The following CLSTN2 variants were observed in gnomAD, a reference collection of about 807,000 sequenced individuals.
CLSTN2 encodes calsyntenin 2.
A neutral mutation model predicts 101.2 loss-of-function variants in CLSTN2; 48 were observed. That is an observed-to-expected ratio of 0.47 (90% CI 0.38 to 0.60). CLSTN2 has a LOEUF of 0.60. CLSTN2 is among the 20% of genes least tolerant of loss of function. CLSTN2 has a pLI of 0.00. For synonymous variants in CLSTN2, 481 were observed against 463.6 expected (o/e 1.04, Z -0.48); for missense variants, 1,160 against 1,238.2 (o/e 0.94, Z 0.95).
At chr3:140,028,315 A>G (rs2007464443) in intron 1 of CLSTN2, among the ~76,000 whole-genome samples, 1 of 152,184 alleles carries the variant, frequency 6.6e-6, no homozygotes, top group Non-Finnish European at 1.5e-5. Context: ...GCCAGGCCCC[A>G]GAACACTAGC....
chr3:139,961,512 G>A (rs1490770652), intron 1 of CLSTN2, among the ~76,000 whole-genome samples: 1 of 152,184 alleles, frequency 6.6e-6, no homozygotes, highest in Admixed American at 6.5e-5. Context: ...AAAGTTAGGT[G>A]AAAATGAGTG....
chr3:140,501,508 T>C (rs1045856469), intron 8 of CLSTN2, among the ~76,000 whole-genome samples: 1 of 152,166 alleles, frequency 6.6e-6, no homozygotes, highest in Admixed American at 6.5e-5. Flanking sequence ...CCACAGTGGG[T>C]TAATGGGAGC....
At chr3:140,123,081 G>C (rs1450629776) in intron 1 of CLSTN2, among the ~76,000 whole-genome samples, 1 of 149,340 alleles carries the variant, frequency 6.7e-6, no homozygotes, top group Non-Finnish European at 1.5e-5. Context: ...TGAAGTCCAA[G>C]ATGAAGGTGC....
rs1933499755 is a variant in CLSTN2 at position 140,459,434 on chromosome 3, T to C, written c.974-87T>C. The C allele has an allele frequency of 3.4e-6, 5 of 1,475,868 alleles. No homozygotes were observed. In the South Asian group the frequency reaches 4.9e-5, roughly 14 times the overall value. 91.4% of individuals were successfully genotyped at this position (1,475,868 alleles called of 1,614,324 possible). On this transcript the variant is annotated intron_variant, in intron 6 of 16. Coordinates refer to ENST00000458420, the MANE Select transcript of CLSTN2 (RefSeq NM_022131.3). ...CACAGACGTCTCTGAGTAAGTACAC[T>C]GAGTAGTTCACCTTGACCCAGGAGC...
intron 1 of CLSTN2, among the ~76,000 whole-genome samples, chr3:140,066,386 A>G (rs1388948145): frequency 6.6e-6 from 1 of 152,218 alleles, no homozygotes; most frequent in Non-Finnish European, 1.5e-5. Flanking sequence ...TTCTATTTAT[A>G]GCTGCCAAAC....
At chr3:140,243,705 G>C (rs2086490573) in intron 2 of CLSTN2, among the ~76,000 whole-genome samples, 2 of 152,212 alleles carry the variant, frequency 1.3e-5, no homozygotes, top group Non-Finnish European at 2.9e-5. Flanking sequence ...TTCTCAAAGT[G>C]AAGTCCATGG....
At chr3:140,511,185 C>T (rs1934806043) in intron 8 of CLSTN2, among the ~76,000 whole-genome samples, 1 of 152,178 alleles carries the variant, frequency 6.6e-6, no homozygotes, top group African/African-American at 2.4e-5. Flanking sequence ...CATGTCGCTG[C>T]AAAGGACATG....
rs558097331 is a variant in CLSTN2, at chr3:140,341,238, C to T, written c.233-62391C>T. ...TTATTTTGGAAAACATTGACAGTCT[C>T]TTTAGACTTTCATCCTTTCCTTATA... On this transcript the variant is annotated intron_variant, in intron 2 of 16. Coordinates refer to ENST00000458420, the MANE Select transcript of CLSTN2 (RefSeq NM_022131.3). Among the ~76,000 whole-genome samples the T allele has an allele frequency of 5.3e-5, 8 of 152,282 alleles. No homozygotes were observed. The South Asian group carries it at 1.7e-3, about 32-fold the overall frequency.
In CLSTN2 at chr3:140,412,177, G is replaced by A. The variant is rs145210809; in HGVS notation, c.637+7411G>A. Among the ~76,000 whole-genome samples, 724 of 152,242 alleles carry A rather than the reference G, an allele frequency of 4.8e-3. 8 individuals are homozygous for A. The highest frequency in any genetic ancestry group is 0.017 in the African/African-American group (700 of 41,556). On this transcript the variant is annotated intron_variant, in intron 4 of 16. Coordinates refer to ENST00000458420, the MANE Select transcript of CLSTN2 (RefSeq NM_022131.3). ...ATTAACAGCATGCGCCACAACACCT[G>A]ATTAATTTTGTATTTTTAGTGGAGA...
At chr3:140,206,219 A>G (rs954355666) in intron 2 of CLSTN2, among the ~76,000 whole-genome samples, 3 of 152,198 alleles carry the variant, frequency 2.0e-5, no homozygotes, top group African/African-American at 7.2e-5. Flanking sequence ...AAGGGAGTTA[A>G]GAGAGGCAGG....
chr3:140,256,992 A>T (rs1221617492), intron 2 of CLSTN2, among the ~76,000 whole-genome samples: 1 of 152,204 alleles, frequency 6.6e-6, no homozygotes. Context: ...ATGTGTGTAT[A>T]GAAAGGCATA....
intron 5 of CLSTN2, among the ~76,000 whole-genome samples, chr3:140,430,622 G>A (rs963500931): frequency 3.9e-5 from 6 of 152,000 alleles, no homozygotes; most frequent in South Asian, 2.1e-4. Flanking sequence ...AAAAAGTTTC[G>A]TGACCCCTGT....
Position 140,575,035 on chromosome 3 carries a change from G to A in CLSTN2, c.*8782G>A, listed in dbSNP as rs1347330219. On this transcript the variant is annotated 3_prime_UTR_variant, in exon 17 of 17. Coordinates refer to ENST00000458420, the MANE Select transcript of CLSTN2 (RefSeq NM_022131.3). ...TAGAACACTCACATCTGGAGCCCAC[G>A]CCCACCCACCTCCAGCTCCTCTACA... 4 of 152,208 alleles carry A rather than the reference G, an allele frequency of 2.6e-5. No individual in the cohort carries two copies. The highest frequency in any genetic ancestry group is 1.9e-4 in the East Asian group (1 of 5,194). 9.4% of individuals were successfully genotyped at this position (152,208 alleles called of 1,614,324 possible).
chr3:140,401,052 T>A (rs2088235727), intron 2 of CLSTN2, among the ~76,000 whole-genome samples: 2 of 152,380 alleles, frequency 1.3e-5, no homozygotes, highest in Non-Finnish European at 2.9e-5. Context: ...GCAAGCGGCT[T>A]ACAGGCCAGC....
chr3:139,995,743 G>A (rs1936193043), intron 1 of CLSTN2, among the ~76,000 whole-genome samples: 1 of 152,142 alleles, frequency 6.6e-6, no homozygotes, highest in Non-Finnish European at 1.5e-5. Context: ...TGTGCTCAGG[G>A]GTAAAGGGGG....
At chr3:140,130,696 A>G (rs1407922583) in intron 1 of CLSTN2, among the ~76,000 whole-genome samples, 4 of 152,170 alleles carry the variant, frequency 2.6e-5, no homozygotes, top group Admixed American at 1.3e-4. Context: ...GACTTGGAGG[A>G]AGGATGAGGC....
At chr3:140,534,612 T>C (rs537049321) in intron 9 of CLSTN2, among the ~76,000 whole-genome samples, 2 of 152,322 alleles carry the variant, frequency 1.3e-5, no homozygotes, top group South Asian at 4.1e-4. Context: ...AGCAGCCACA[T>C]TGCATGGCTG....
intron 8 of CLSTN2, among the ~76,000 whole-genome samples, chr3:140,483,308 C>T (rs1168732313): frequency 6.6e-6 from 1 of 152,054 alleles, no homozygotes; most frequent in Non-Finnish European, 1.5e-5. Context: ...GTCTGAGAGA[C>T]AGTTTGTTAT....
intron 1 of CLSTN2, among the ~76,000 whole-genome samples, chr3:140,168,337 G>A (rs573271824): frequency 6.6e-6 from 1 of 152,034 alleles, no homozygotes; most frequent in East Asian, 1.9e-4. Context: ...TTAGTGACAG[G>A]TATATTCAAT....
Sources: gnomAD v4.1 joint callset for allele counts (sites outside exome capture counted in the v4.1 genomes callset) on GRCh38, gnomAD v4.1.1 for gene constraint, MANE v1.5 for transcripts, NCBI Gene and HGNC (gene_info 2026-07-23, HGNC 2026-07-21) for gene names.